Variants in SLC22A25 observed in about 807,000 individuals in gnomAD.
The protein encoded by SLC22A25 is MGI:2442751, MGI:2385316, MGI:3042283, MGI:3645714, MGI:3605624, MGI:2442750.
SLC22A25 carries 44 observed loss-of-function variants against 45.9 expected under a neutral mutation model. The ratio of observed to expected loss-of-function variants is 0.96; its 90% CI spans 0.75 to 1.23. SLC22A25 has a LOEUF of 1.23. SLC22A25 is among the 50% of genes most tolerant of loss of function. The pLI is 0.00. For synonymous variants in SLC22A25, 283 were observed against 238.6 expected, an observed-to-expected ratio of 1.19 and a Z score of -1.72; for missense variants, 800 against 666.4, an observed-to-expected ratio of 1.20 and a Z score of -2.21.
chr11:63,166,890 ATGG>A (rs2087703107), intron 9 of SLC22A25: 1 of 984,514 alleles, frequency 1.0e-6, no homozygotes, highest in South Asian at 4.7e-5. Flanking sequence ...AGCTGGCAAG[ATGG>A]CCGAATAGGA....
At chr11:63,194,868 A>G (rs1182082845) in intron 7 of SLC22A25, among the ~76,000 whole-genome samples, 38 of 128,186 alleles carry the variant, frequency 3.0e-4, no homozygotes, top group Admixed American at 1.1e-3. Flanking sequence ...GATGGAGGAA[A>G]ATCTACCAAG....
At chr11:63,224,890 G>A (rs2089926459) in intron 5 of SLC22A25, among the ~76,000 whole-genome samples, 1 of 152,150 alleles carries the variant, frequency 6.6e-6, no homozygotes, top group African/African-American at 2.4e-5. Context: ...TTGAGGTCAG[G>A]AGATGGAGAC....
intron 7 of SLC22A25, among the ~76,000 whole-genome samples, chr11:63,214,716 C>T (rs976363791): frequency 2.0e-5 from 3 of 152,082 alleles, no homozygotes; most frequent in Non-Finnish European, 4.4e-5. Context: ...CTGTAATATG[C>T]TTCCCCCTGC....
rs1021469405 is a variant in SLC22A25, at chr11:63,219,838, T to G, written c.507-2103A>C. On this transcript the variant is annotated intron_variant, in intron 5 of 11. Coordinates refer to ENST00000306494, the MANE Select transcript of SLC22A25 (RefSeq NM_199352.6). ...TTCTCATGGCACTGTCCCAGAGAGCTGGGTTACTGGACTGTTGGAAATCAA... is the reference window on the plus strand; with the variant it reads ...TTCTCATGGCACTGTCCCAGAGAGCGGGGTTACTGGACTGTTGGAAATCAA... 5 of 1,032,358 alleles carry G rather than the reference T, an allele frequency of 4.8e-6. No individual in the cohort carries two copies. In the South Asian group the frequency reaches 6.6e-5, roughly 14 times the overall value. 63.9% of individuals were successfully genotyped at this position (1,032,358 alleles called of 1,614,324 possible). A position where few individuals can be genotyped will look rare whatever the true frequency, so the allele number is the denominator to read the frequency against.
At chr11:63,196,872 A>C in intron 7 of SLC22A25, among the ~76,000 whole-genome samples, 1 of 152,234 alleles carries the variant, frequency 6.6e-6, no homozygotes, top group Non-Finnish European at 1.5e-5. Flanking sequence ...ATCTCAGCCC[A>C]AAATCTCCTT....
At chr11:63,195,681 C>T (rs11559570) in intron 7 of SLC22A25, among the ~76,000 whole-genome samples, 55,316 of 151,828 alleles carry the variant, frequency 0.36, 10,391 homozygotes, top group East Asian at 0.56. Context: ...ACCCTAACAT[C>T]GCAATTAAAA....
intron 7 of SLC22A25, among the ~76,000 whole-genome samples, chr11:63,212,033 A>C (rs2089580305): frequency 6.6e-6 from 1 of 152,254 alleles, no homozygotes; most frequent in Non-Finnish European, 1.5e-5. Flanking sequence ...TTCTCAAAAG[A>C]AGACATTTAT....
chr11:63,229,632 T>C lies in SLC22A25; in HGVS notation c.21A>G (p.Leu7=), dbSNP rs763116107. 1.2e-6 allele frequency: 2 copies of C among 1,604,214 alleles called. No individual in the cohort carries two copies. Among genetic ancestry groups the C allele is most frequent in the South Asian group, 1.1e-5 (1 of 90,924 alleles). ...ATCTCCCCAGGCCTCCAACTTGATCTAGGAGGTCCTGAAAGGCCATTGAGG... is the reference window on the plus strand; with the variant it reads ...ATCTCCCCAGGCCTCCAACTTGATCCAGGAGGTCCTGAAAGGCCATTGAGG... The part of the protein sequence containing the change: MAFQDL[L]DQVGGLGRFQ... The change falls in exon 4 of 12, where the codon CTA becomes CTG. Residue 7 remains leucine (L), a synonymous_variant. Transcript: ENST00000306494.
Position 63,168,597 on chromosome 11 carries a change from G to A in SLC22A25, c.1071-2339C>T, listed in dbSNP as rs538902806. ...TTGAAGGTCAATTAAATGAAATAAA[G>A]TGTGAAGGAAAGACTAGAGAAAAAA... On this transcript the variant is annotated intron_variant, in intron 9 of 11. Coordinates refer to ENST00000306494, the MANE Select transcript of SLC22A25 (RefSeq NM_199352.6). Among the ~76,000 whole-genome samples the A allele has an allele frequency of 1.4e-4, 21 of 152,118 alleles. 1 individual carries two copies. Among genetic ancestry groups the A allele is most frequent in the Non-Finnish European group, 2.9e-5 (2 of 68,034 alleles).
At chr11:63,209,283 C>A (rs1368132552) in intron 7 of SLC22A25, among the ~76,000 whole-genome samples, 1 of 152,062 alleles carries the variant, frequency 6.6e-6, no homozygotes, top group Non-Finnish European at 1.5e-5. Context: ...GGGCACCCAA[C>A]CAAAGAAAGC....
chr11:63,211,356 A>G (rs2089555085), intron 7 of SLC22A25, among the ~76,000 whole-genome samples: 1 of 152,182 alleles, frequency 6.6e-6, no homozygotes, highest in Non-Finnish European at 1.5e-5. Flanking sequence ...CAGGATCTCC[A>G]GGCGGTAAAC....
intron 7 of SLC22A25, among the ~76,000 whole-genome samples, chr11:63,215,165 A>G (rs761614198): frequency 2.6e-5 from 4 of 152,286 alleles, no homozygotes; most frequent in Middle Eastern, 3.4e-3. Context: ...CACAATAGCA[A>G]AGACTTAGAA....
intron 7 of SLC22A25, among the ~76,000 whole-genome samples, chr11:63,214,975 CT>C (rs879716142): frequency 1.2e-4 from 18 of 152,276 alleles, no homozygotes; most frequent in Non-Finnish European, 1.8e-4. Flanking sequence ...CACTTTTACA[CT>C]GTTGGTAAAA....
At chr11:63,234,573 G>A (rs1449947308) in intron 3 of SLC22A25, among the ~76,000 whole-genome samples, 1 of 152,112 alleles carries the variant, frequency 6.6e-6, no homozygotes, top group African/African-American at 2.4e-5. Flanking sequence ...CACACTGATG[G>A]GTCTTGACTC....
chr11:63,194,889 G>GAAAAAAAAAAAAAAAAAAAAAAAAAAA (rs1565091135), intron 7 of SLC22A25, among the ~76,000 whole-genome samples: 1 of 14,288 alleles, frequency 7.0e-5, no homozygotes, highest in Non-Finnish European at 1.4e-4. Context: ...CAAATGGAAA[G>GAAAAAAAAAAAAAAAAAAAAAAAAAAA]CAAAAAAAAA....
chr11:63,232,269 G>GGAA (rs2090083203), intron 3 of SLC22A25, among the ~76,000 whole-genome samples: 1 of 152,098 alleles, frequency 6.6e-6, no homozygotes, highest in South Asian at 2.1e-4. Context: ...CCGTGAGCAT[G>GGAA]GAATGTTCTT....
chr11:63,190,503 G>T (rs996275038), intron 7 of SLC22A25, among the ~76,000 whole-genome samples: 1 of 151,610 alleles, frequency 6.6e-6, no homozygotes, highest in Non-Finnish European at 1.5e-5. Flanking sequence ...TTCCTTCTTT[G>T]GCTCGGAGTA....
At chr11:63,216,707 C>T (rs190429327) in intron 7 of SLC22A25, among the ~76,000 whole-genome samples, 98 of 152,118 alleles carry the variant, frequency 6.4e-4, no homozygotes, top group South Asian at 2.5e-3. Context: ...AAATTACAAA[C>T]GGGTATTAGG....
intron 9 of SLC22A25, chr11:63,166,497 G>GTTTA (rs528179912): frequency 0.011 from 14,012 of 1,249,564 alleles, 106 homozygotes; most frequent in Non-Finnish European, 0.013. Flanking sequence ...GTGCTATGGG[G>GTTTA]TTTATTTATT....
Sources: gnomAD v4.1 joint callset for allele counts (sites outside exome capture counted in the v4.1 genomes callset) on GRCh38, gnomAD v4.1.1 for gene constraint, MANE v1.5 for transcripts, NCBI Gene and HGNC (gene_info 2026-07-23, HGNC 2026-07-21) for gene names.